Variants in FSTL4 observed in about 807,000 individuals in gnomAD.
FSTL4 encodes follistatin-related protein 4.
In FSTL4, 28 loss-of-function variants were observed where a neutral mutation model predicts 78.2. That is an observed-to-expected ratio of 0.36 (90% confidence interval 0.27 to 0.49). FSTL4 has a LOEUF of 0.49. FSTL4 is among the 20% of genes least tolerant of loss of function. FSTL4 has a pLI of 0.98. For missense variants in FSTL4, 922 were observed against 1,084.9 expected (o/e 0.85, Z 2.11); for synonymous variants, 422 against 440.5 (o/e 0.96, Z 0.53).
chr5:133,222,234 G>A (rs1751159501), intron 11 of FSTL4, among the ~76,000 whole-genome samples: 1 of 152,102 alleles, frequency 6.6e-6, no homozygotes, highest in East Asian at 1.9e-4. Flanking sequence ...GTGAACACCA[G>A]GGAGTATCCA....
chr5:133,398,226 T>C (rs1756124294), intron 4 of FSTL4, among the ~76,000 whole-genome samples: 1 of 152,212 alleles, frequency 6.6e-6, no homozygotes. Context: ...TCCTGTTTGC[T>C]GGGCACTCCC....
At chr5:133,679,039 T>C in the FSTL4 span, among the ~76,000 whole-genome samples, 1 of 152,112 alleles carries the variant, frequency 6.6e-6, no homozygotes. Flanking sequence ...TATCACTGGA[T>C]CATGAGCAGG....
At chr5:133,686,222 C>A in the FSTL4 span, among the ~76,000 whole-genome samples, 1 of 152,242 alleles carries the variant, frequency 6.6e-6, no homozygotes, top group Non-Finnish European at 1.5e-5. Context: ...CAGAGTCAGA[C>A]TGCCTGCTTT....
chr5:133,532,565 C>T (rs1759277899), intron 3 of FSTL4, among the ~76,000 whole-genome samples: 1 of 152,202 alleles, frequency 6.6e-6, no homozygotes, highest in Non-Finnish European at 1.5e-5. Context: ...CCCTGCTAGA[C>T]AGAACAGAGG....
At chr5:133,625,456 T>C in the FSTL4 span, among the ~76,000 whole-genome samples, 5 of 151,488 alleles carry the variant, frequency 3.3e-5, no homozygotes, top group African/African-American at 7.3e-5. Context: ...TCTGTAATAA[T>C]AGTCCTTGTT....
intron 13 of FSTL4, among the ~76,000 whole-genome samples, chr5:133,213,276 T>G (rs1285292947): frequency 6.6e-6 from 1 of 152,154 alleles, no homozygotes; most frequent in Non-Finnish European, 1.5e-5. Context: ...GTGCTGGGAT[T>G]ACAGGCATGA....
intron 4 of FSTL4, among the ~76,000 whole-genome samples, chr5:133,359,014 G>A (rs943569917): frequency 6.6e-6 from 1 of 152,172 alleles, no homozygotes; most frequent in Non-Finnish European, 1.5e-5. Context: ...ATTCTCACAC[G>A]GTGGGGTCTT....
Position 133,228,128 on chromosome 5 carries a change from G to A in FSTL4, c.1016-2309C>T, listed in dbSNP as rs568569011. ...TCTGGTCCCAGCTACTCAGTAGGCT[G>A]AGGTGGGAGGATCCCTTGAGCCCGG... On this transcript the variant is annotated intron_variant, in intron 8 of 15. Transcript: ENST00000265342. Among the ~76,000 whole-genome samples the A allele has an allele frequency of 1.4e-4, 22 of 152,314 alleles. No individual in the cohort carries two copies. The East Asian group carries it at 4.1e-3, about 28-fold the overall frequency.
intron 6 of FSTL4, among the ~76,000 whole-genome samples, chr5:133,267,116 G>A (rs1347647917): frequency 1.3e-5 from 2 of 152,158 alleles, no homozygotes; most frequent in Non-Finnish European, 2.9e-5. Context: ...GAGGAGGAAC[G>A]GTAGTAGGAA....
intron 3 of FSTL4, among the ~76,000 whole-genome samples, chr5:133,411,816 A>G (rs55671936): frequency 0.055 from 8,381 of 152,284 alleles, 302 homozygotes; most frequent in Non-Finnish European, 0.082. Context: ...GAAATCCAAG[A>G]GACTCCAGTG....
At chr5:133,731,182 G>A in the FSTL4 span, among the ~76,000 whole-genome samples, 87 of 152,270 alleles carry the variant, frequency 5.7e-4, no homozygotes, top group South Asian at 3.1e-3. Context: ...AAGCTCTCTC[G>A]GGGAGGTTGT....
At chr5:133,549,526 T>C (rs1301478907) in intron 3 of FSTL4, among the ~76,000 whole-genome samples, 1 of 152,224 alleles carries the variant, frequency 6.6e-6, no homozygotes, top group East Asian at 1.9e-4. Flanking sequence ...TTAATTCTAT[T>C]ATCTGGTCTT....
At chr5:133,455,142 G>T (rs1350816221) in intron 3 of FSTL4, among the ~76,000 whole-genome samples, 2 of 152,228 alleles carry the variant, frequency 1.3e-5, no homozygotes, top group Non-Finnish European at 2.9e-5. Context: ...TTGTGGTTGA[G>T]TTGAGGAAGA....
chr5:133,540,622 T>C (rs1162298429), intron 3 of FSTL4, among the ~76,000 whole-genome samples: 1 of 147,596 alleles, frequency 6.8e-6, no homozygotes, highest in Non-Finnish European at 1.5e-5. Context: ...AGGCTGGAAA[T>C]GGAACAAGTT....
intron 3 of FSTL4, among the ~76,000 whole-genome samples, chr5:133,526,158 TG>T (rs1759094303): frequency 6.6e-6 from 1 of 152,188 alleles, no homozygotes. Flanking sequence ...ACACAGTTAT[TG>T]GACATACTAA....
At chr5:133,315,037 C>CTGCAAT (rs1310476701) in intron 5 of FSTL4, among the ~76,000 whole-genome samples, 1 of 152,052 alleles carries the variant, frequency 6.6e-6, no homozygotes, top group Non-Finnish European at 1.5e-5. Context: ...TGGTGTAAGC[C>CTGCAAT]TGCAATTCCA....
the FSTL4 span, among the ~76,000 whole-genome samples, chr5:133,641,985 G>A: frequency 6.7e-6 from 1 of 150,334 alleles, no homozygotes; most frequent in South Asian, 2.1e-4. Flanking sequence ...AACAGCTCTT[G>A]AACTCTCTTC....
chr5:133,276,980 G>A (rs1041560064), intron 6 of FSTL4, among the ~76,000 whole-genome samples: 1 of 152,148 alleles, frequency 6.6e-6, no homozygotes, highest in Admixed American at 6.5e-5. Flanking sequence ...TTGATACAAA[G>A]TTCAAACATA....
At chr5:133,329,763 T>C (rs974976824) in intron 4 of FSTL4, among the ~76,000 whole-genome samples, 1 of 152,228 alleles carries the variant, frequency 6.6e-6, no homozygotes, top group Non-Finnish European at 1.5e-5. Flanking sequence ...CCAGGCTTAA[T>C]ACTTTGTATC....
Sources: allele counts gnomAD v4.1 joint callset (sites outside exome capture counted in the v4.1 genomes callset), GRCh38; gene constraint gnomAD v4.1.1; transcripts MANE v1.5; gene names NCBI Gene and HGNC (gene_info 2026-07-23, HGNC 2026-07-21).